CDH19: variants seen among roughly 807,000 people sequenced by gnomAD.
CDH19 encodes the protein cadherin-19.
A neutral mutation model predicts 64.2 loss-of-function variants in CDH19; 67 were observed. The ratio of observed to expected loss-of-function variants is 1.04; its 90% CI spans 0.86 to 1.28. The LOEUF (loss-of-function observed/expected upper bound fraction) is 1.28, where lower values mean the gene tolerates loss of function less well. CDH19 is among the 50% of genes most tolerant of loss of function. The pLI is 0.00. For missense variants in CDH19, 1,030 were observed against 929.0 expected, an observed-to-expected ratio of 1.11 and a Z score of -1.41; for synonymous variants, 346 against 319.3, an observed-to-expected ratio of 1.08 and a Z score of -0.89.
chr18:66,567,982 G>GT (rs1250677006), intron 3 of CDH19, among the ~76,000 whole-genome samples: 6 of 151,706 alleles, frequency 4.0e-5, no homozygotes, highest in Middle Eastern at 3.4e-3. Context: ...TGTCTTAGTG[G>GT]TTTTTTCTTC....
intron 1 of CDH19, among the ~76,000 whole-genome samples, chr18:66,577,256 C>T (rs1988291906): frequency 6.6e-6 from 1 of 151,692 alleles, no homozygotes; most frequent in Admixed American, 6.6e-5. Flanking sequence ...ATTATATATG[C>T]AAAAGCATGG....
rs1188099331 is a variant in CDH19, at chr18:66,501,420, C to A, written c.*3392G>T. Reference sequence around the variant, plus strand: ...GAGGAAGTTGCAGCTGATCACCAACCTGAATGAAGTGATGTAATGGAAAAT... The same window carrying A: ...GAGGAAGTTGCAGCTGATCACCAACATGAATGAAGTGATGTAATGGAAAAT... On this transcript the variant is annotated 3_prime_UTR_variant, in exon 12 of 12. Coordinates refer to ENST00000262150, the MANE Select transcript of CDH19 (RefSeq NM_021153.4). The A allele has an allele frequency of 1.3e-5, 2 of 152,112 alleles. No individual in the cohort carries two copies. The highest frequency in any genetic ancestry group is 1.5e-5 in the Non-Finnish European group (1 of 68,090). 9.4% of individuals were successfully genotyped at this position (152,112 alleles called of 1,614,324 possible).
chr18:66,535,104 A>G lies in CDH19; in HGVS notation c.1218T>C (p.Tyr406=). Residue 406 remains tyrosine (Y), a synonymous_variant, in exon 8 of 12, where the codon TAT becomes TAC. Transcript: ENST00000262150. ...DPDNRKSPIR[Y]SITRSKVFNI... ...TGAACACTTTGCTCCTAGTAATAGA[A>G]TACCTGAACCAAAAGGAAAGTATAC... The G allele has an allele frequency of 6.9e-7, 1 of 1,457,366 alleles. No individual in the cohort carries two copies. The highest frequency in any genetic ancestry group is 9.3e-7 in the Non-Finnish European group (1 of 1,077,462). 90.3% of individuals were successfully genotyped at this position (1,457,366 alleles called of 1,614,324 possible).
intron 1 of CDH19, among the ~76,000 whole-genome samples, chr18:66,578,949 G>T (rs184413833): frequency 6.6e-6 from 1 of 151,936 alleles, no homozygotes; most frequent in South Asian, 2.1e-4. Context: ...CATAGTGACT[G>T]AAATCAGACT....
intron 7 of CDH19, among the ~76,000 whole-genome samples, chr18:66,538,286 T>A (rs1986752785): frequency 6.6e-6 from 1 of 152,118 alleles, no homozygotes; most frequent in Non-Finnish European, 1.5e-5. Context: ...TTTGCAATAG[T>A]TTGCCTTCAA....
At position 66,519,767 on chromosome 18, in the gene CDH19, T is replaced by C. The variant is rs140842138; in HGVS notation, c.1459-8082A>G. Among the ~76,000 whole-genome samples the C allele has an allele frequency of 7.5e-3, 1,134 of 152,120 alleles. 9 individuals carry two copies. Among genetic ancestry groups the C allele is most frequent in the African/African-American group, 0.025 (1,056 of 41,500 alleles). ...AAACAAAAGACATTTAAATAATACATAAAAAGAACAACACTTATTTTGCTA... is the reference window on the plus strand; with the variant it reads ...AAACAAAAGACATTTAAATAATACACAAAAAGAACAACACTTATTTTGCTA... On this transcript the variant is annotated intron_variant, in intron 9 of 11. Coordinates refer to ENST00000262150, the MANE Select transcript of CDH19 (RefSeq NM_021153.4).
chr18:66,570,985 G>A lies in CDH19; in HGVS notation c.195+1025C>T, dbSNP rs77687945. On this transcript the variant is annotated intron_variant, in intron 2 of 11. Coordinates refer to ENST00000262150, the MANE Select transcript of CDH19 (RefSeq NM_021153.4). ...TAGCTAGAGACTCAGTTACTGAGTC[G>A]GCACCTAACTGTGGACCTTCTTAGT... Among the ~76,000 whole-genome samples, 1,289 of 151,662 alleles carry A rather than the reference G, an allele frequency of 8.5e-3. 30 individuals are homozygous for A. The highest frequency in any genetic ancestry group is 0.029 in the African/African-American group (1,222 of 41,430).
At chr18:66,523,219 A>G (rs1189148100) in intron 9 of CDH19, among the ~76,000 whole-genome samples, 2 of 152,180 alleles carry the variant, frequency 1.3e-5, no homozygotes, top group Non-Finnish European at 2.9e-5. Context: ...CTGGCTCGGT[A>G]TCAGCCTGGT....
chr18:66,556,256 C>A (rs577935562), intron 3 of CDH19, among the ~76,000 whole-genome samples: 104 of 151,636 alleles, frequency 6.9e-4, no homozygotes, highest in African/African-American at 2.4e-3. Flanking sequence ...CACAAAGTTA[C>A]CCATTTTTGT....
At chr18:66,518,210 T>C (rs1367755889) in intron 9 of CDH19, among the ~76,000 whole-genome samples, 1 of 151,996 alleles carries the variant, frequency 6.6e-6, no homozygotes, top group Non-Finnish European at 1.5e-5. Flanking sequence ...AGGATTTAGG[T>C]TTATTATTCT....
At chr18:66,552,009 A>G (rs551847667) in intron 4 of CDH19, among the ~76,000 whole-genome samples, 1 of 152,058 alleles carries the variant, frequency 6.6e-6, no homozygotes, top group African/African-American at 2.4e-5. Context: ...AAAAATTGTG[A>G]TATTAATGAA....
chr18:66,601,005 G>A (rs1364066134), intron 1 of CDH19, among the ~76,000 whole-genome samples: 1 of 151,806 alleles, frequency 6.6e-6, no homozygotes, highest in Non-Finnish European at 1.5e-5. Context: ...TGCTTTACCA[G>A]TTCAAGAGCA....
rs750212333 is a variant in CDH19, at chr18:66,572,016, G to A, written c.189C>T (p.Ile63=). ...PEEMNTTSHH[I]GQLRSDLDNG... ...ATTTTAAATAAATAAGTACCTGGCC[G>A]ATGTGATGACTAGTCGTATTCATTT... is the stretch of plus-strand genomic sequence containing the variant. Residue 63 remains isoleucine (I), a synonymous_variant, in exon 2 of 12, where the codon ATC becomes ATT. Coordinates refer to ENST00000262150, the MANE Select transcript of CDH19 (RefSeq NM_021153.4). The A allele has an allele frequency of 1.0e-5, 16 of 1,604,778 alleles. 1 individual carries two copies. The highest frequency in any genetic ancestry group is 3.3e-5 in the South Asian group (3 of 90,656).
intron 1 of CDH19, among the ~76,000 whole-genome samples, chr18:66,573,698 A>G (rs148685537): frequency 1.2e-3 from 189 of 151,706 alleles, no homozygotes; most frequent in African/African-American, 4.3e-3. Context: ...GTTTCAGTGA[A>G]TATAATTTTT....
chr18:66,536,275 A>C (rs934675889), intron 7 of CDH19, among the ~76,000 whole-genome samples: 5 of 151,866 alleles, frequency 3.3e-5, no homozygotes, highest in Middle Eastern at 3.4e-3. Context: ...TATTTCCAAA[A>C]ACATTATGCT....
At chr18:66,510,536 TATA>T (rs1356130951) in intron 10 of CDH19, among the ~76,000 whole-genome samples, 5 of 146,550 alleles carry the variant, frequency 3.4e-5, no homozygotes, top group Admixed American at 1.4e-4. Context: ...TAACTTAGAG[TATA>T]ATAATAAAAA....
intron 1 of CDH19, among the ~76,000 whole-genome samples, chr18:66,577,412 C>T (rs1489700009): frequency 6.6e-6 from 1 of 151,748 alleles, no homozygotes; most frequent in Non-Finnish European, 1.5e-5. Flanking sequence ...ACAAAGTGTA[C>T]AAATACACCT....
chr18:66,596,552 T>C (rs1489339881), intron 1 of CDH19, among the ~76,000 whole-genome samples: 1 of 151,958 alleles, frequency 6.6e-6, no homozygotes, highest in East Asian at 1.9e-4. Flanking sequence ...CCCACTCAAA[T>C]AGCCACAAAT....
chr18:66,520,286 T>G (rs1323102891), intron 9 of CDH19, among the ~76,000 whole-genome samples: 1 of 150,322 alleles, frequency 6.7e-6, no homozygotes, highest in African/African-American at 2.4e-5. Flanking sequence ...CCTATCTTTT[T>G]TAAACTCTGG....
Sources: allele counts gnomAD v4.1 joint callset (sites outside exome capture counted in the v4.1 genomes callset), GRCh38; gene constraint gnomAD v4.1.1; transcripts MANE v1.5; gene names NCBI Gene and HGNC (gene_info 2026-07-23, HGNC 2026-07-21).